Variants in FCHO2 observed in about 807,000 individuals in gnomAD.
The protein encoded by FCHO2 is F-BAR domain only protein 2.
A neutral mutation model predicts 114.1 loss-of-function variants in FCHO2; 43 were observed. The ratio of observed to expected loss-of-function variants is 0.38; its 90% CI spans 0.30 to 0.49. The LOEUF (loss-of-function observed/expected upper bound fraction) is 0.49. FCHO2 is among the 20% of genes least tolerant of loss of function. The probability of loss-of-function intolerance (pLI) is 0.97; values close to 1 mark genes in which losing one functional copy is unlikely to be tolerated. For synonymous variants in FCHO2, 293 were observed against 315.2 expected (o/e 0.93, Z 0.75); for missense variants, 807 against 950.4 (o/e 0.85, Z 1.98).
chr5:72,961,235 C>A (rs777590789), intron 1 of FCHO2, among the ~76,000 whole-genome samples: 4 of 152,052 alleles, frequency 2.6e-5, no homozygotes, highest in Non-Finnish European at 2.9e-5. Context: ...CTTGATTAAT[C>A]TAAACTTAGT....
chr5:73,025,218 T>C (rs1319151125), intron 8 of FCHO2, among the ~76,000 whole-genome samples: 2 of 152,070 alleles, frequency 1.3e-5, no homozygotes, highest in Non-Finnish European at 2.9e-5. Flanking sequence ...TTTGTTTTTT[T>C]CTTTTTTGAG....
chr5:73,086,859 C>T (rs771395985), intron 24 of FCHO2, among the ~76,000 whole-genome samples: 3 of 152,144 alleles, frequency 2.0e-5, no homozygotes, highest in African/African-American at 7.2e-5. Context: ...GATGCTATTT[C>T]GTTAAATGCA....
chr5:72,962,016 A>G (rs1231411829), intron 1 of FCHO2, among the ~76,000 whole-genome samples: 1 of 152,218 alleles, frequency 6.6e-6, no homozygotes, highest in Non-Finnish European at 1.5e-5. Context: ...TCCCATTGCA[A>G]CAAGCTGTGA....
intron 19 of FCHO2, among the ~76,000 whole-genome samples, chr5:73,069,858 T>G (rs891328557): frequency 6.6e-6 from 1 of 152,086 alleles, no homozygotes; most frequent in Non-Finnish European, 1.5e-5. Flanking sequence ...TTTCACCCAT[T>G]GTTAGGATAA....
chr5:73,007,041 A>C (rs1754754022), intron 6 of FCHO2, among the ~76,000 whole-genome samples: 1 of 152,128 alleles, frequency 6.6e-6, no homozygotes, highest in Non-Finnish European at 1.5e-5. Context: ...GCCTTTTAGG[A>C]ATCATACCTA....
chr5:73,088,029 T>C, intron 25 of FCHO2, 39 bp from the exon 26 acceptor site: 2 of 1,612,060 alleles, frequency 1.2e-6, no homozygotes. Flanking sequence ...AGAGTGCATT[T>C]GAAATTGTAA....
rs374280230 is a variant in FCHO2, at chr5:72,990,626, GT to G, written c.342+14del. ...AGTAAAGTCTCATAAAAAGGTATCAGTTTTTTTCTTGTTAAATAATTGATTG... is the reference window on the plus strand; with the variant it reads ...AGTAAAGTCTCATAAAAAGGTATCAGTTTTTTCTTGTTAAATAATTGATTG... On this transcript the variant is annotated splice_region_variant and intron_variant, in intron 4 of 25. Coordinates refer to ENST00000430046, the MANE Select transcript of FCHO2 (RefSeq NM_138782.3). The G allele has an allele frequency of 3.3e-6, 5 of 1,528,452 alleles. No homozygotes were observed. The highest frequency in any genetic ancestry group is 2.8e-5 in the African/African-American group (2 of 71,398). 94.7% of individuals were successfully genotyped at this position (1,528,452 alleles called of 1,614,324 possible).
intron 2 of FCHO2, among the ~76,000 whole-genome samples, chr5:72,981,924 C>G (rs928255171): frequency 6.6e-6 from 1 of 152,044 alleles, no homozygotes; most frequent in African/African-American, 2.4e-5. Context: ...TTTGTTATTA[C>G]CCACCTTCTG....
chr5:73,011,482 T>G (rs1755009613), intron 6 of FCHO2, among the ~76,000 whole-genome samples: 1 of 152,136 alleles, frequency 6.6e-6, no homozygotes, highest in Non-Finnish European at 1.5e-5. Flanking sequence ...ACTTTTTAAA[T>G]CTTTTTCCTA....
At chr5:73,018,850 A>C (rs1193692929) in intron 8 of FCHO2, among the ~76,000 whole-genome samples, 1 of 152,088 alleles carries the variant, frequency 6.6e-6, no homozygotes, top group Admixed American at 6.6e-5. Flanking sequence ...TTTTTTTAGC[A>C]ATCCCCTTCC....
At chr5:73,076,207 T>G in intron 20 of FCHO2, among the ~76,000 whole-genome samples, 1 of 152,124 alleles carries the variant, frequency 6.6e-6, no homozygotes, top group South Asian at 2.1e-4. Flanking sequence ...AATTGACCAT[T>G]GACAATAATT....
At chr5:73,007,515 T>A (rs1050043525) in intron 6 of FCHO2, among the ~76,000 whole-genome samples, 1 of 152,226 alleles carries the variant, frequency 6.6e-6, no homozygotes, top group Non-Finnish European at 1.5e-5. Context: ...TCAGTTAATA[T>A]GAAAGAAGGA....
intron 11 of FCHO2, among the ~76,000 whole-genome samples, chr5:73,045,501 A>G (rs1253323380): frequency 6.6e-6 from 1 of 152,178 alleles, no homozygotes; most frequent in Non-Finnish European, 1.5e-5. Flanking sequence ...CCACTCACCC[A>G]TTGTAGGACA....
chr5:73,058,060 G>C (rs961975445), intron 16 of FCHO2, among the ~76,000 whole-genome samples: 2 of 151,952 alleles, frequency 1.3e-5, no homozygotes, highest in Non-Finnish European at 2.9e-5. Context: ...ACCCAGGCTG[G>C]AGTACAGTGG....
chr5:72,984,346 T>C (rs1753390031), intron 2 of FCHO2, among the ~76,000 whole-genome samples: 1 of 149,152 alleles, frequency 6.7e-6, no homozygotes, highest in South Asian at 2.2e-4. Flanking sequence ...AACATTTTCT[T>C]TCTCTAAGTG....
At chr5:73,012,095 T>C (rs561152022) in intron 6 of FCHO2, among the ~76,000 whole-genome samples, 63 of 152,342 alleles carry the variant, frequency 4.1e-4, no homozygotes, top group African/African-American at 1.3e-3. Flanking sequence ...AAGTATTATG[T>C]GCTGTATATT....
intron 2 of FCHO2, among the ~76,000 whole-genome samples, chr5:72,978,030 T>C (rs778686544): frequency 6.6e-6 from 1 of 152,070 alleles, no homozygotes; most frequent in Non-Finnish European, 1.5e-5. Flanking sequence ...AGCATTGTAG[T>C]GTAGTTTGAA....
At chr5:72,984,264 G>A (rs1198930638) in intron 2 of FCHO2, among the ~76,000 whole-genome samples, 1 of 152,166 alleles carries the variant, frequency 6.6e-6, no homozygotes, top group Non-Finnish European at 1.5e-5. Context: ...ATCATTTTAT[G>A]TGTTAGTGGA....
chr5:73,044,213 T>C (rs930408266), intron 11 of FCHO2, among the ~76,000 whole-genome samples: 1 of 152,170 alleles, frequency 6.6e-6, no homozygotes, highest in African/African-American at 2.4e-5. Flanking sequence ...AAACTTCTTT[T>C]CTTTATAAAT....
Sources: gnomAD v4.1 joint callset for allele counts (sites outside exome capture counted in the v4.1 genomes callset) on GRCh38, gnomAD v4.1.1 for gene constraint, MANE v1.5 for transcripts, NCBI Gene and HGNC (gene_info 2026-07-23, HGNC 2026-07-21) for gene names.